Variants in RPP40 observed in about 807,000 individuals in gnomAD.
RPP40 encodes the protein ribonuclease P/MRP subunit p40, also known as ribonuclease P protein subunit p40.
Under a neutral mutation model 42.5 loss-of-function variants are expected in RPP40, and 30 were observed. The observed-to-expected ratio is 0.71, with a 90% CI of 0.53 to 0.96. RPP40 has a LOEUF of 0.96. Ranked by LOEUF, RPP40 falls within the 40% of genes least tolerant of loss-of-function variation. RPP40 has a pLI of 0.00. For missense variants in RPP40, 426 were observed against 433.5 expected (o/e 0.98, Z 0.15); for synonymous variants, 173 against 164.0 (o/e 1.05, Z -0.42).
downstream of RPP40, among the ~76,000 whole-genome samples, chr6:4,994,033 C>T (rs1759300267): frequency 6.6e-6 from 1 of 151,762 alleles, no homozygotes; most frequent in Admixed American, 6.6e-5. Context: ...GTCAGTACTC[C>T]ACTTACTTCT....
At chr6:4,999,250 A>G (rs1347218902) in intron 4 of RPP40, among the ~76,000 whole-genome samples, 1 of 151,678 alleles carries the variant, frequency 6.6e-6, no homozygotes, top group Non-Finnish European at 1.5e-5. Flanking sequence ...TTCTTTATTA[A>G]GAATAAGTTG....
At chr6:4,997,645 T>TCATCCATC (rs72424582) in intron 5 of RPP40, among the ~76,000 whole-genome samples, 7 of 151,890 alleles carry the variant, frequency 4.6e-5, no homozygotes, top group African/African-American at 1.7e-4. Context: ...AAATCTCCTC[T>TCATCCATC]CATCCATCCA....
At chr6:4,998,551 T>A in intron 5 of RPP40, 165 bp downstream of exon 5, 1 of 463,208 alleles carries the variant, frequency 2.2e-6, no homozygotes, top group South Asian at 4.3e-5. Flanking sequence ...GAACTATGGT[T>A]TTCAGAGATG....
chr6:5,000,986 C>A, intron 2 of RPP40: 1 of 459,200 alleles, frequency 2.2e-6, no homozygotes, highest in African/African-American at 2.0e-5. Flanking sequence ...ATGCAGAAGA[C>A]CAAGCTTGCA....
Position 5,002,152 on chromosome 6 carries a change from G to A in RPP40, c.217C>T (p.Pro73Ser). Residue 73 changes from proline (P) to serine (S), a missense_variant, in exon 2 of 8, where the codon CCT becomes TCT. By Grantham distance (74) the Pro-to-Ser change is moderately conservative. Coordinates refer to ENST00000380051, the MANE Select transcript of RPP40 (RefSeq NM_006638.4). ...TCAGGTGTAATTAATTCATGAAGAG[G>A]TAAATTCTTCACAAAGTAATAGGGT... ...TGPYYFVKNL[P>S]LHELITPEFI... 1.2e-6 allele frequency: 2 copies of A among 1,610,618 alleles called. No homozygotes were observed. The highest frequency in any genetic ancestry group is 2.2e-5 in the South Asian group (2 of 90,974).
At chr6:5,002,333 G>T in intron 1 of RPP40, 88 bp from the exon 2 acceptor site, 1 of 1,169,770 alleles carries the variant, frequency 8.5e-7, no homozygotes, top group Non-Finnish European at 1.2e-6. Flanking sequence ...CATGAAAGTT[G>T]TTATTTCTCC....
At chr6:5,003,267 A>G (rs1458126291) in intron 1 of RPP40, among the ~76,000 whole-genome samples, 1 of 139,198 alleles carries the variant, frequency 7.2e-6, no homozygotes, top group Non-Finnish European at 1.5e-5. Flanking sequence ...GAATGGCGTG[A>G]ACCCGGGAGG....
chr6:4,999,445 T>G (rs1759480980), intron 4 of RPP40, among the ~76,000 whole-genome samples: 1 of 152,004 alleles, frequency 6.6e-6, no homozygotes, highest in Admixed American at 6.6e-5. Flanking sequence ...ACTACAGGCA[T>G]GCGCCACCAC....
chr6:4,991,473 C>CA (rs1759260998), downstream of RPP40, among the ~76,000 whole-genome samples: 1 of 152,114 alleles, frequency 6.6e-6, no homozygotes, highest in Non-Finnish European at 1.5e-5. Flanking sequence ...TCCATTTTCT[C>CA]AAGAAAAATT....
chr6:4,993,760 A>G (rs1405988761), downstream of RPP40, among the ~76,000 whole-genome samples: 1 of 152,186 alleles, frequency 6.6e-6, no homozygotes. Flanking sequence ...GCTCTCAAGT[A>G]AGATGTTTTC....
rs1226252389 is a variant in RPP40, at chr6:5,002,083, AT to A, written c.268+17del. On this transcript the variant is annotated intron_variant, in intron 2 of 7. Coordinates refer to ENST00000380051, the MANE Select transcript of RPP40 (RefSeq NM_006638.4). ...TCCTCATCCAGCCTTGTTCACAGCC[AT>A]TTCAGGTTTTTCTTACCTTTCTTTA... 1.5e-5 allele frequency: 24 copies of A among 1,608,100 alleles called. No homozygotes were observed. Among genetic ancestry groups the A allele is most frequent in the Non-Finnish European group, 1.9e-5 (22 of 1,176,514 alleles).
At chr6:4,991,925 C>A (rs1275622590), downstream of RPP40, among the ~76,000 whole-genome samples, 1 of 152,110 alleles carries the variant, frequency 6.6e-6, no homozygotes, top group Non-Finnish European at 1.5e-5. Flanking sequence ...ACCTCCCACA[C>A]CCCTCCCTCC....
chr6:4,996,494 C>T (rs1759389113), intron 5 of RPP40, 74 bp from the exon 6 acceptor site: 1 of 1,332,782 alleles, frequency 7.5e-7, no homozygotes, highest in African/African-American at 1.4e-5. Context: ...TACCTGAACC[C>T]ACCCATTCCC....
the RPP40 span, among the ~76,000 whole-genome samples, chr6:4,988,514 C>G: frequency 1.3e-5 from 2 of 152,168 alleles, no homozygotes; most frequent in Non-Finnish European, 2.9e-5. Flanking sequence ...CAGGCAACCA[C>G]TAATCTGGTC....
downstream of RPP40, among the ~76,000 whole-genome samples, chr6:4,992,751 G>A (rs995679701): frequency 6.6e-6 from 1 of 151,956 alleles, no homozygotes; most frequent in Middle Eastern, 3.4e-3. Context: ...ACTTGTCTTC[G>A]ATTCATCCTA....
At position 5,000,710 on chromosome 6, in the gene RPP40, T is replaced by C. The variant is rs551379409; in HGVS notation, c.269-79A>G. ...ATGTTAGTGGATTATTTTTACAAGATAACCAGTCTTCCGGGTCATTAAAGG... is the reference window on the plus strand; with the variant it reads ...ATGTTAGTGGATTATTTTTACAAGACAACCAGTCTTCCGGGTCATTAAAGG... On this transcript the variant is annotated intron_variant, in intron 2 of 7. Coordinates refer to ENST00000380051, the MANE Select transcript of RPP40 (RefSeq NM_006638.4). 1.2e-5 allele frequency: 11 copies of C among 922,020 alleles called. No individual in the cohort carries two copies. The East Asian group carries it at 1.9e-4, about 16-fold the overall frequency. The allele number at this position is 922,020 out of a possible 1,614,324, so 57.1% of individuals were successfully genotyped here.
Position 5,001,275 on chromosome 6 carries a change from G to A in RPP40, c.269-644C>T, listed in dbSNP as rs559320879. The A allele has an allele frequency of 1.3e-3, 519 of 399,794 alleles. 6 individuals carry two copies. The highest frequency in any genetic ancestry group is 9.4e-3 in the South Asian group (509 of 53,992). 24.8% of individuals were successfully genotyped at this position (399,794 alleles called of 1,614,324 possible). On this transcript the variant is annotated intron_variant, in intron 2 of 7. Transcript: ENST00000380051. ...TTGTTGCAAGGGTTAAATTTGGTAA[G>A]ACATTTAACAGTGCCTGCTACAGCC...
rs1229764270 is a variant in RPP40, at chr6:5,003,969, G to A, written c.34C>T (p.Arg12Trp). The A allele has an allele frequency of 6.2e-7, 1 of 1,612,750 alleles. No homozygotes were observed. Among genetic ancestry groups the A allele is most frequent in the South Asian group, 1.1e-5 (1 of 91,062 alleles). Residue 12 changes from arginine (R) to tryptophan (W), a missense_variant, in exon 1 of 8, where the codon CGG becomes TGG. Coordinates refer to ENST00000380051, the MANE Select transcript of RPP40 (RefSeq NM_006638.4). ...GATTTCTCGCAAACCAGTAAGTGCC[G>A]CGGCGCCTCCCGAAGCCGGCGCAGC... ...ATLRRLREAP[R>W]HLLVCEKSNF...
intron 5 of RPP40, among the ~76,000 whole-genome samples, chr6:4,998,363 T>C (rs1263055595): frequency 6.6e-6 from 1 of 152,270 alleles, no homozygotes; most frequent in Non-Finnish European, 1.5e-5. Flanking sequence ...AAGCAGATTG[T>C]GTATATAATT....
Sources: gnomAD v4.1 joint callset for allele counts (sites outside exome capture counted in the v4.1 genomes callset) on GRCh38, gnomAD v4.1.1 for gene constraint, MANE v1.5 for transcripts, NCBI Gene and HGNC (gene_info 2026-07-23, HGNC 2026-07-21) for gene names.